TENM3: variants seen among roughly 807,000 people sequenced by gnomAD.
The protein encoded by TENM3 is teneurin-3.
TENM3 carries 63 observed loss-of-function variants against 255.1 expected under a neutral mutation model. That is an observed-to-expected ratio of 0.25 (90% confidence interval 0.20 to 0.30). The LOEUF (loss-of-function observed/expected upper bound fraction) is 0.30, where lower values mean the gene tolerates loss of function less well. Ranked by LOEUF, TENM3 falls within the 10% of genes least tolerant of loss-of-function variation. The probability of loss-of-function intolerance (pLI) is 1.00; values close to 1 mark genes in which losing one functional copy is unlikely to be tolerated. For synonymous variants in TENM3, 1,306 were observed against 1,322.3 expected, an observed-to-expected ratio of 0.99 and a Z score of 0.27; for missense variants, 2,929 against 3,461.1, an observed-to-expected ratio of 0.85 and a Z score of 3.86.
At chr4:182,435,942 A>G (rs1772007726) in intron 3 of TENM3, among the ~76,000 whole-genome samples, 1 of 149,646 alleles carries the variant, frequency 6.7e-6, no homozygotes, top group South Asian at 2.1e-4. Flanking sequence ...GATCCTTCAG[A>G]AAAAAAAAAG....
the TENM3 span, among the ~76,000 whole-genome samples, chr4:181,789,218 ATTTATTTTATTTTATTTTATTTTAT>A: frequency 6.9e-6 from 1 of 145,624 alleles, no homozygotes; most frequent in South Asian, 2.2e-4. Flanking sequence ...AGCCCCCTTT[ATTTATTTTATTTTATTTTATTTTAT>A]TTTATTTTAT....
chr4:182,630,411 G>A (rs1442030645), intron 5 of TENM3, among the ~76,000 whole-genome samples: 1 of 152,150 alleles, frequency 6.6e-6, no homozygotes, highest in African/African-American at 2.4e-5. Flanking sequence ...TCAGAAGTGT[G>A]CTGCTAAAGA....
chr4:181,535,947 T>C, the TENM3 span, among the ~76,000 whole-genome samples: 1 of 152,150 alleles, frequency 6.6e-6, no homozygotes, highest in Admixed American at 6.5e-5. Flanking sequence ...TTTTCTCCTA[T>C]AGTCCTCAAC....
At chr4:181,710,169 G>T in the TENM3 span, among the ~76,000 whole-genome samples, 1 of 152,088 alleles carries the variant, frequency 6.6e-6, no homozygotes, top group African/African-American at 2.4e-5. Context: ...AATCAGAGAA[G>T]AGGCTTGAGG....
chr4:182,083,334 T>G, the TENM3 span, among the ~76,000 whole-genome samples: 67 of 152,342 alleles, frequency 4.4e-4, no homozygotes, highest in African/African-American at 1.6e-3. Flanking sequence ...ATATTGAATA[T>G]TATTAGGCAG....
intron 3 of TENM3, among the ~76,000 whole-genome samples, chr4:182,419,147 C>G (rs534289020): frequency 6.6e-6 from 1 of 152,290 alleles, no homozygotes; most frequent in South Asian, 2.1e-4. Flanking sequence ...GATGCAGACT[C>G]TGTACTAAAT....
intron 3 of TENM3, among the ~76,000 whole-genome samples, chr4:182,567,374 C>A (rs1580963063): frequency 6.6e-6 from 1 of 152,158 alleles, no homozygotes; most frequent in South Asian, 2.1e-4. Context: ...CCATGCCCAC[C>A]ACGTCTGTTC....
intron 3 of TENM3, among the ~76,000 whole-genome samples, chr4:182,479,080 G>A (rs551100871): frequency 6.6e-6 from 1 of 151,462 alleles, no homozygotes; most frequent in South Asian, 2.1e-4. Context: ...GATTCAGTAC[G>A]TAAAATACTT....
At chr4:182,613,745 A>G (rs995068103) in intron 4 of TENM3, among the ~76,000 whole-genome samples, 4 of 152,358 alleles carry the variant, frequency 2.6e-5, no homozygotes, top group Non-Finnish European at 5.9e-5. Flanking sequence ...ATAAATGGAT[A>G]CAAAGGCAAA....
chr4:182,151,447 A>C, intron 1 of TENM3, among the ~76,000 whole-genome samples: 1 of 152,120 alleles, frequency 6.6e-6, no homozygotes, highest in East Asian at 1.9e-4. Flanking sequence ...GGAATTTGTC[A>C]ACACGTAGGT....
chr4:182,727,803 T>G (rs1236561794), intron 13 of TENM3, among the ~76,000 whole-genome samples: 1 of 152,184 alleles, frequency 6.6e-6, no homozygotes, highest in Non-Finnish European at 1.5e-5. Context: ...TCCAGGCTCT[T>G]GTTTAAAATT....
At chr4:182,127,616 A>G in the TENM3 span, among the ~76,000 whole-genome samples, 2 of 152,216 alleles carry the variant, frequency 1.3e-5, no homozygotes, top group Non-Finnish European at 2.9e-5. Flanking sequence ...GATTTACTCC[A>G]TTAACATTTT....
At chr4:182,285,969 TG>T (rs1760704181) in intron 1 of TENM3, among the ~76,000 whole-genome samples, 1 of 152,182 alleles carries the variant, frequency 6.6e-6, no homozygotes, top group African/African-American at 2.4e-5. Flanking sequence ...AGATGTCTTT[TG>T]GGGGAGCTAC....
the TENM3 span, among the ~76,000 whole-genome samples, chr4:181,974,483 G>A: frequency 1.1e-4 from 17 of 152,044 alleles, no homozygotes; most frequent in Admixed American, 2.6e-4. Context: ...CAGGAGAATC[G>A]CTTGAACCCA....
At chr4:181,604,970 C>T in the TENM3 span, among the ~76,000 whole-genome samples, 25 of 152,208 alleles carry the variant, frequency 1.6e-4, 1 homozygote, top group South Asian at 2.1e-4. Context: ...TGTGTTATTG[C>T]GCAAAGTGTT....
At chr4:181,746,962 A>G in the TENM3 span, among the ~76,000 whole-genome samples, 1 of 152,220 alleles carries the variant, frequency 6.6e-6, no homozygotes, top group African/African-American at 2.4e-5. Flanking sequence ...CGCTATTACA[A>G]ACAGTGTGGT....
At chr4:181,937,960 A>G in the TENM3 span, among the ~76,000 whole-genome samples, 2 of 152,212 alleles carry the variant, frequency 1.3e-5, no homozygotes, top group Admixed American at 6.5e-5. Context: ...TTTTCCATCC[A>G]AGGCTCTGTG....
chr4:181,950,338 C>T, the TENM3 span, among the ~76,000 whole-genome samples: 14 of 152,056 alleles, frequency 9.2e-5, no homozygotes, highest in Non-Finnish European at 2.1e-4. Flanking sequence ...GGACTCAGCC[C>T]GCCTGCGCCC....
the TENM3 span, among the ~76,000 whole-genome samples, chr4:182,116,965 T>A: frequency 6.6e-6 from 1 of 152,190 alleles, no homozygotes; most frequent in African/African-American, 2.4e-5. Flanking sequence ...GGTACCATCA[T>A]GTTTTGGATT....
Sources: gnomAD v4.1 joint callset for allele counts (sites outside exome capture counted in the v4.1 genomes callset) on GRCh38, gnomAD v4.1.1 for gene constraint, MANE v1.5 for transcripts, NCBI Gene and HGNC (gene_info 2026-07-23, HGNC 2026-07-21) for gene names.